DCC: variants seen among roughly 807,000 people sequenced by gnomAD.
DCC encodes the protein DCC netrin 1 receptor, also known as netrin receptor DCC.
Under a neutral mutation model 172.5 loss-of-function variants are expected in DCC, and 58 were observed. The observed-to-expected ratio is 0.34, with a 90% CI of 0.27 to 0.42. DCC has a LOEUF of 0.42. DCC is among the 10% of genes least tolerant of loss of function. DCC has a pLI of 1.00. For missense variants in DCC, 1,740 were observed against 1,791.0 expected (o/e 0.97, Z 0.51); for synonymous variants, 709 against 644.5 (o/e 1.10, Z -1.52).
chr18:52,468,523 G>A (rs577709403), intron 1 of DCC, among the ~76,000 whole-genome samples: 63 of 152,218 alleles, frequency 4.1e-4, no homozygotes, highest in African/African-American at 1.5e-3. Flanking sequence ...ATTAATGGTA[G>A]CATTTGTTTC....
chr18:53,376,895 C>T (rs1047580447), intron 15 of DCC, among the ~76,000 whole-genome samples: 6 of 152,210 alleles, frequency 3.9e-5, no homozygotes, highest in Middle Eastern at 3.4e-3. Context: ...ATGTTACTCA[C>T]GTCCATTGTT....
intron 22 of DCC, among the ~76,000 whole-genome samples, chr18:53,448,568 G>A (rs141477823): frequency 1.8e-3 from 278 of 152,256 alleles, no homozygotes; most frequent in African/African-American, 6.4e-3. Context: ...AATCACGTCA[G>A]TATTATTCCT....
intron 1 of DCC, among the ~76,000 whole-genome samples, chr18:52,666,826 C>T (rs967405524): frequency 6.6e-6 from 1 of 152,158 alleles, no homozygotes; most frequent in Non-Finnish European, 1.5e-5. Flanking sequence ...ATTACCTCTG[C>T]TTATAATTTG....
At chr18:53,196,710 G>A (rs7230285) in intron 9 of DCC, among the ~76,000 whole-genome samples, 69,646 of 151,796 alleles carry the variant, frequency 0.46, 16,939 homozygotes, top group Non-Finnish European at 0.52. Context: ...ATCCATATCT[G>A]CATCCGTTCT....
chr18:53,340,571 A>G (rs970641133), intron 15 of DCC, among the ~76,000 whole-genome samples: 5 of 152,184 alleles, frequency 3.3e-5, no homozygotes, highest in Non-Finnish European at 7.4e-5. Flanking sequence ...TTCAGTTGTG[A>G]TATTCTGAAT....
chr18:53,063,362 T>A lies in DCC; in HGVS notation c.1043T>A (p.Ile348Asn). ...CTGTATGCCTATGAAAGCATGGATA[T>A]TGAGTTTGAATGTACAGTCTCTGGA... ...SNLYAYESMD[I>N]EFECTVSGKP... Residue 348 changes from isoleucine (I) to asparagine (N), a missense_variant, in exon 6 of 29, where the codon ATT (isoleucine) becomes AAT (asparagine). Ile to Asn is a moderately radical substitution (Grantham distance 149). Coordinates refer to ENST00000442544, the MANE Select transcript of DCC (RefSeq NM_005215.4). 1 of 1,613,414 alleles carries A rather than the reference T, an allele frequency of 6.2e-7. No individual in the cohort carries two copies. Among genetic ancestry groups the A allele is most frequent in the Non-Finnish European group, 8.5e-7 (1 of 1,179,478 alleles).
chr18:52,544,888 A>T (rs1468144394), intron 1 of DCC, among the ~76,000 whole-genome samples: 1 of 152,182 alleles, frequency 6.6e-6, no homozygotes, highest in African/African-American at 2.4e-5. Context: ...CATTATTCTC[A>T]CCCATTAAAC....
intron 1 of DCC, among the ~76,000 whole-genome samples, chr18:52,645,699 A>G (rs1266262467): frequency 6.6e-6 from 1 of 152,220 alleles, no homozygotes; most frequent in African/African-American, 2.4e-5. Context: ...ATTGACTTCT[A>G]TCTTAAGTAT....
At chr18:52,931,711 A>G (rs1291099940) in intron 5 of DCC, 1 of 152,120 alleles carries the variant, frequency 6.6e-6, no homozygotes, top group East Asian at 1.9e-4. Context: ...AACCTTATTT[A>G]CAATAAATAA....
chr18:52,561,737 C>T (rs558942058), intron 1 of DCC, among the ~76,000 whole-genome samples: 13 of 152,190 alleles, frequency 8.5e-5, no homozygotes, highest in Admixed American at 3.3e-4. Context: ...ATATTCACTT[C>T]GCGGTGGGTT....
chr18:53,244,305 A>G (rs1010718038), intron 12 of DCC, among the ~76,000 whole-genome samples: 8 of 152,186 alleles, frequency 5.3e-5, no homozygotes, highest in African/African-American at 1.9e-4. Flanking sequence ...TACAGTTAAA[A>G]ACCAGTGATG....
intron 5 of DCC, among the ~76,000 whole-genome samples, chr18:52,937,537 G>T (rs540716216): frequency 6.6e-6 from 1 of 152,212 alleles, no homozygotes; most frequent in Non-Finnish European, 1.5e-5. Context: ...GGTGAGACAA[G>T]GTCTCTCTGT....
At chr18:52,372,386 T>C (rs28437610) in intron 1 of DCC, among the ~76,000 whole-genome samples, 24,110 of 152,152 alleles carry the variant, frequency 0.16, 2,086 homozygotes, top group African/African-American at 0.21. Context: ...TGGCTGGTTA[T>C]GAGGACAGTG....
chr18:53,140,002 T>A (rs193029480), intron 7 of DCC, among the ~76,000 whole-genome samples: 3 of 152,312 alleles, frequency 2.0e-5, no homozygotes, highest in Admixed American at 2.0e-4. Context: ...GCCTGATACA[T>A]GAAAAATATT....
At chr18:52,423,550 AG>A (rs1987322411) in intron 1 of DCC, among the ~76,000 whole-genome samples, 2 of 151,852 alleles carry the variant, frequency 1.3e-5, no homozygotes, top group Admixed American at 6.6e-5. Flanking sequence ...TTCTCCTGTC[AG>A]AAAAAAAAAA....
At chr18:52,443,381 G>T (rs1297658366) in intron 1 of DCC, among the ~76,000 whole-genome samples, 1 of 152,140 alleles carries the variant, frequency 6.6e-6, no homozygotes, top group Admixed American at 6.5e-5. Flanking sequence ...ATCTATTGAA[G>T]AGAGACAAGC....
At chr18:53,493,964 A>G (rs148456350) in intron 26 of DCC, among the ~76,000 whole-genome samples, 219 of 152,320 alleles carry the variant, frequency 1.4e-3, no homozygotes, top group African/African-American at 5.0e-3. Flanking sequence ...GTGTGCATTT[A>G]GTACTATAAC....
intron 1 of DCC, among the ~76,000 whole-genome samples, chr18:52,544,325 A>G (rs2032551482): frequency 6.6e-6 from 1 of 152,216 alleles, no homozygotes; most frequent in Non-Finnish European, 1.5e-5. Context: ...GGTGATAACT[A>G]AATTGAAGCA....
intron 5 of DCC, among the ~76,000 whole-genome samples, chr18:53,055,358 GA>G (rs1468884114): frequency 6.6e-6 from 1 of 152,054 alleles, no homozygotes; most frequent in Non-Finnish European, 1.5e-5. Context: ...CCTGTGTCAG[GA>G]AAAAAGTTAA....
Sources: allele counts gnomAD v4.1 joint callset (sites outside exome capture counted in the v4.1 genomes callset), GRCh38; gene constraint gnomAD v4.1.1; transcripts MANE v1.5; gene names NCBI Gene and HGNC (gene_info 2026-07-23, HGNC 2026-07-21).